Variants in EXOC2 observed in about 807,000 individuals in gnomAD.
EXOC2 encodes the protein SEC5-like 1.
Under a neutral mutation model 131.8 loss-of-function variants are expected in EXOC2, and 70 were observed. The observed-to-expected ratio is 0.53, with a 90% confidence interval of 0.44 to 0.65. The LOEUF (loss-of-function observed/expected upper bound fraction) is 0.65, where lower values mean the gene tolerates loss of function less well. Among genes scored for constraint, EXOC2 ranks in the 30% least tolerant of loss-of-function variants. EXOC2 has a pLI of 0.00. For missense variants in EXOC2, 923 were observed against 1,108.6 expected (o/e 0.83, Z 2.38); for synonymous variants, 411 against 398.4 (o/e 1.03, Z -0.38).
At chr6:586,262 C>T (rs964198943) in intron 11 of EXOC2, among the ~76,000 whole-genome samples, 1 of 152,176 alleles carries the variant, frequency 6.6e-6, no homozygotes, top group Admixed American at 6.5e-5. Context: ...GCATCCGCTG[C>T]AGGCTGCCGG....
At chr6:613,954 T>C (rs1355712927) in intron 6 of EXOC2, among the ~76,000 whole-genome samples, 6 of 151,722 alleles carry the variant, frequency 4.0e-5, no homozygotes, top group Non-Finnish European at 8.8e-5. Context: ...ACAAGACACA[T>C]GCCAAAAGAA....
intron 11 of EXOC2, among the ~76,000 whole-genome samples, chr6:585,884 C>T (rs1212139386): frequency 6.6e-6 from 1 of 152,124 alleles, no homozygotes; most frequent in Non-Finnish European, 1.5e-5. Flanking sequence ...GTGGATTTAC[C>T]TAAACAACTT....
intron 4 of EXOC2, among the ~76,000 whole-genome samples, chr6:622,694 T>A (rs997134910): frequency 3.9e-5 from 6 of 152,170 alleles, no homozygotes; most frequent in African/African-American, 1.4e-4. Flanking sequence ...AAATAAAAAA[T>A]GTTTTAAAAA....
At chr6:551,124 A>G (rs1757119887) in intron 21 of EXOC2, among the ~76,000 whole-genome samples, 1 of 152,240 alleles carries the variant, frequency 6.6e-6, no homozygotes, top group African/African-American at 2.4e-5. Context: ...ACTAAGATGG[A>G]GACGCACGTT....
At position 656,590 on chromosome 6, in the gene EXOC2, C is replaced by G. The variant is rs202166658; in HGVS notation, c.-43-18729G>C. On this transcript the variant is annotated intron_variant, in intron 1 of 27. Transcript: ENST00000230449. ...CTGCGAGCGCGGCCCAGGGACGAGA[C>G]CAGCTCCACCGCCACCGTGAGGGAG... The G allele has an allele frequency of 6.6e-4, 1,059 of 1,594,358 alleles. 15 individuals carry two copies. In the Admixed American group the frequency reaches 0.015, roughly 23 times the overall value.
intron 14 of EXOC2, 74 bp downstream of exon 14, chr6:564,790 T>A: frequency 6.3e-7 from 1 of 1,582,680 alleles, no homozygotes; most frequent in Non-Finnish European, 8.6e-7. Flanking sequence ...CAGTAATGGA[T>A]GTCTTGAATA....
In EXOC2 at chr6:630,031, T is replaced by C. The variant is rs1051639831; in HGVS notation, c.296-70A>G. 6 of 1,560,806 alleles carry C rather than the reference T, an allele frequency of 3.8e-6. No homozygotes were observed. In the East Asian group the frequency reaches 1.4e-4, roughly 36 times the overall value. On this transcript the variant is annotated intron_variant, in intron 3 of 27. Coordinates refer to ENST00000230449, the MANE Select transcript of EXOC2 (RefSeq NM_018303.6). Reference sequence around the variant, plus strand: ...CAGGCACCTTCTACGTCTGGCCTATTGTCTGACTTCTTAAAGACCTAATAC... The same window carrying C: ...CAGGCACCTTCTACGTCTGGCCTATCGTCTGACTTCTTAAAGACCTAATAC...
At chr6:610,058 A>T in intron 7 of EXOC2, 40 bp downstream of exon 7, 2 of 1,573,630 alleles carry the variant, frequency 1.3e-6, no homozygotes, top group Non-Finnish European at 1.7e-6. Flanking sequence ...AGCATGTTGT[A>T]AAATCCATAA....
intron 26 of EXOC2, among the ~76,000 whole-genome samples, chr6:490,317 A>G (rs537216722): frequency 6.6e-6 from 1 of 152,262 alleles, no homozygotes; most frequent in East Asian, 1.9e-4. Context: ...CACATCCAAC[A>G]TGGGCTGGGT....
intron 10 of EXOC2, among the ~76,000 whole-genome samples, chr6:596,492 T>C (rs1330838607): frequency 1.3e-5 from 2 of 152,104 alleles, no homozygotes; most frequent in African/African-American, 4.8e-5. Flanking sequence ...CTCAGGCTCC[T>C]GAGTGGCTGG....
intron 23 of EXOC2, among the ~76,000 whole-genome samples, chr6:520,638 G>A (rs1272549813): frequency 3.0e-5 from 1 of 33,794 alleles, no homozygotes. Context: ...ACCGAGCGCC[G>A]ACACTCGCCG....
At chr6:616,706 T>C (rs1361092337) in intron 6 of EXOC2, among the ~76,000 whole-genome samples, 2 of 151,408 alleles carry the variant, frequency 1.3e-5, no homozygotes, top group African/African-American at 2.4e-5. Flanking sequence ...CAATTAAGTA[T>C]ATATGGCACA....
chr6:689,916 T>C (rs1374964971), intron 1 of EXOC2, among the ~76,000 whole-genome samples: 2 of 152,234 alleles, frequency 1.3e-5, no homozygotes, highest in African/African-American at 4.8e-5. Context: ...TCTAACTGCA[T>C]GTATTCTCTG....
chr6:600,568 G>T (rs192860138), intron 7 of EXOC2, among the ~76,000 whole-genome samples: 25 of 152,172 alleles, frequency 1.6e-4, no homozygotes, highest in Admixed American at 1.5e-3. Flanking sequence ...AAGCACTGTT[G>T]TTTTACATTT....
chr6:654,852 A>G (rs1173714103), intron 1 of EXOC2, among the ~76,000 whole-genome samples: 1 of 143,238 alleles, frequency 7.0e-6, no homozygotes, highest in Non-Finnish European at 1.5e-5. Flanking sequence ...AGCCTTAAGG[A>G]ATTGCTACAC....
At chr6:507,197 CACACACACACAGCAGTGACCACACACA>C (rs1764600539) in intron 23 of EXOC2, among the ~76,000 whole-genome samples, 1 of 18,272 alleles carries the variant, frequency 5.5e-5, no homozygotes, top group African/African-American at 1.0e-4. Context: ...ACCCCCCCCA[CACACACACACAGCAGTGACCACACACA>C]CACACACACA....
At chr6:499,775 C>A in intron 23 of EXOC2, 75 bp from the exon 24 acceptor site, 1 of 1,219,976 alleles carries the variant, frequency 8.2e-7, no homozygotes, top group Admixed American at 1.8e-5. Flanking sequence ...GCAGGCTGTA[C>A]CCCATGCTTT....
At chr6:622,797 C>G (rs1761359926) in intron 4 of EXOC2, among the ~76,000 whole-genome samples, 1 of 152,178 alleles carries the variant, frequency 6.6e-6, no homozygotes, top group Non-Finnish European at 1.5e-5. Context: ...CAATGTAAAC[C>G]AGCAGCTCAG....
intron 1 of EXOC2, among the ~76,000 whole-genome samples, chr6:648,249 G>A (rs933366701): frequency 1.3e-5 from 2 of 152,106 alleles, no homozygotes; most frequent in Non-Finnish European, 1.5e-5. Flanking sequence ...CTACAAGATA[G>A]TATGTTCTTA....
Sources: allele counts gnomAD v4.1 joint callset (sites outside exome capture counted in the v4.1 genomes callset), GRCh38; gene constraint gnomAD v4.1.1; transcripts MANE v1.5; gene names NCBI Gene and HGNC (gene_info 2026-07-23, HGNC 2026-07-21).